Variants in ALKBH1 observed in about 807,000 individuals in gnomAD.
The protein encoded by ALKBH1 is nucleic acid dioxygenase ALKBH1.
ALKBH1 carries 31 observed loss-of-function variants against 36.6 expected under a neutral mutation model. The observed-to-expected ratio is 0.85, with a 90% CI of 0.64 to 1.14. The LOEUF is 1.14. Among genes scored for constraint, ALKBH1 ranks in the 50% most tolerant of loss-of-function variants. The probability of loss-of-function intolerance (pLI) is 0.00; values close to 1 mark genes in which losing one functional copy is unlikely to be tolerated. For missense variants in ALKBH1, 490 were observed against 497.3 expected, an observed-to-expected ratio of 0.99 and a Z score of 0.14; for synonymous variants, 183 against 186.6, an observed-to-expected ratio of 0.98 and a Z score of 0.16.
intron 3 of ALKBH1, 35 bp from the exon 4 acceptor site, chr14:77,680,005 T>C (rs1036474051): frequency 4.5e-6 from 7 of 1,557,334 alleles, no homozygotes; most frequent in African/African-American, 2.7e-5. Flanking sequence ...GAATTATTCA[T>C]GTAAAATGGC....
intron 3 of ALKBH1, chr14:77,683,918 A>T (rs2080253292): frequency 6.5e-6 from 1 of 153,240 alleles, no homozygotes; most frequent in Non-Finnish European, 1.5e-5. Context: ...GGCCAAAGGA[A>T]AAACTCCGTT....
intron 3 of ALKBH1, chr14:77,683,311 C>A: frequency 1.3e-6 from 1 of 744,976 alleles, no homozygotes; most frequent in Non-Finnish European, 2.5e-6. Context: ...CAGTTGAACT[C>A]AGGTACCTTT....
chr14:77,700,440 A>G (rs2080353188), intron 2 of ALKBH1, among the ~76,000 whole-genome samples: 1 of 152,224 alleles, frequency 6.6e-6, no homozygotes, highest in African/African-American at 2.4e-5. Flanking sequence ...TTTTGGCATC[A>G]AGGAAACCTC....
At chr14:77,698,266 G>A (rs1381287219) in intron 2 of ALKBH1, among the ~76,000 whole-genome samples, 2 of 152,134 alleles carry the variant, frequency 1.3e-5, no homozygotes, top group East Asian at 1.9e-4. Context: ...GAAAGAAATA[G>A]AGCAAGGTCT....
intron 2 of ALKBH1, among the ~76,000 whole-genome samples, chr14:77,702,484 CAT>C (rs1267756471): frequency 6.6e-6 from 1 of 151,916 alleles, no homozygotes; most frequent in Non-Finnish European, 1.5e-5. Context: ...AGAGCTGTAC[CAT>C]AGAGTCCTGG....
At position 77,673,975 on chromosome 14, in the gene ALKBH1, G is replaced by T; in HGVS notation, c.1007C>A (p.Thr336Asn). The T allele has an allele frequency of 6.2e-7, 1 of 1,614,176 alleles. No homozygotes were observed. Among genetic ancestry groups the T allele is most frequent in the Non-Finnish European group, 8.5e-7 (1 of 1,180,040 alleles). Residue 336 changes from threonine to asparagine, a missense_variant, in exon 6 of 6, where the codon ACC becomes AAC. Transcript: ENST00000216489. ...DWQVCASYLK[T>N]ARVNMTVRQV... ...TCGGACAGTCATGTTAACACGAGCG[G>T]TCTTCAAGTAGCTGGCACACACCTG...
At chr14:77,686,100 G>C (rs17825373) in intron 3 of ALKBH1, among the ~76,000 whole-genome samples, 182 of 152,254 alleles carry the variant, frequency 1.2e-3, no homozygotes, top group Non-Finnish European at 2.0e-3. Flanking sequence ...AGCAGGACTG[G>C]CCAGCACCAA....
At chr14:77,679,758 G>C (rs909471237) in intron 4 of ALKBH1, 122 bp downstream of exon 4, 5 of 757,960 alleles carry the variant, frequency 6.6e-6, no homozygotes, top group Middle Eastern at 2.8e-4. Flanking sequence ...GGAAATAAAA[G>C]AAAGGGATCC....
intron 3 of ALKBH1, among the ~76,000 whole-genome samples, chr14:77,688,317 C>T (rs1403890298): frequency 4.0e-5 from 6 of 150,198 alleles, no homozygotes; most frequent in African/African-American, 1.5e-4. Context: ...AGTGCAGTGG[C>T]GTGATCTCAG....
intron 3 of ALKBH1, among the ~76,000 whole-genome samples, chr14:77,684,424 C>A (rs775309154): frequency 4.0e-5 from 6 of 151,802 alleles, no homozygotes; most frequent in Non-Finnish European, 5.9e-5. Context: ...TGCAATGGTG[C>A]GATCTTGGCT....
intron 3 of ALKBH1, among the ~76,000 whole-genome samples, chr14:77,680,472 T>C (rs1595048742): frequency 6.6e-6 from 1 of 152,240 alleles, no homozygotes; most frequent in East Asian, 1.9e-4. Context: ...TATAGTACAA[T>C]AAAAAATAAC....
intron 1 of ALKBH1, 81 bp from the exon 2 acceptor site, chr14:77,704,558 T>C (rs547445882): frequency 9.9e-6 from 10 of 1,010,988 alleles, no homozygotes; most frequent in Admixed American, 3.5e-5. Flanking sequence ...CCAAACACAT[T>C]TCTTGTATGA....
chr14:77,695,768 T>C (rs918564673), intron 2 of ALKBH1, among the ~76,000 whole-genome samples: 2 of 152,220 alleles, frequency 1.3e-5, no homozygotes, highest in African/African-American at 4.8e-5. Context: ...TTTGTGACCT[T>C]GACAGCAACC....
At chr14:77,698,196 A>G (rs568374279) in intron 2 of ALKBH1, among the ~76,000 whole-genome samples, 1 of 152,322 alleles carries the variant, frequency 6.6e-6, no homozygotes, top group South Asian at 2.1e-4. Flanking sequence ...AGACCTAAGT[A>G]TGCTTACAGA....
chr14:77,689,931 C>T (rs1048604520), intron 3 of ALKBH1, among the ~76,000 whole-genome samples: 2 of 151,818 alleles, frequency 1.3e-5, no homozygotes, highest in African/African-American at 4.8e-5. Flanking sequence ...TGAGGTGGGG[C>T]AACTGCTTCA....
Position 77,679,888 on chromosome 14 carries a change from C to G in ALKBH1, c.538G>C (p.Asp180His). ...TAAGAAAACCTGAATACCTTACTGT[C>G]CCAGTTATAATGGTAGCCTACGGTC... ...WVTVGYHYNW[D>H]SKKYSADHYT... Residue 180 changes from aspartate (D) to histidine (H), a missense_variant, in exon 4 of 6, where the codon GAC becomes CAC. Physicochemically the swap from Asp to His is moderately conservative, Grantham distance 81. Coordinates refer to ENST00000216489, the MANE Select transcript of ALKBH1 (RefSeq NM_006020.3). 1.2e-6 allele frequency: 2 copies of G among 1,613,840 alleles called. No homozygotes were observed. Among genetic ancestry groups the G allele is most frequent in the Non-Finnish European group, 1.7e-6 (2 of 1,179,724 alleles).
rs1335780523 is a variant in ALKBH1, at chr14:77,675,692, G to C, written c.704C>G (p.Ser235Cys). The C allele has an allele frequency of 2.5e-6, 4 of 1,614,146 alleles. No individual in the cohort carries two copies. Among genetic ancestry groups the C allele is most frequent in the African/African-American group, 1.3e-5 (1 of 75,034 alleles). Residue 235 changes from serine (S) to cysteine (C), a missense_variant, in exon 5 of 6, where the codon TCT becomes TGT. Transcript: ENST00000216489. Reference protein sequence around the residue: ...DSTLGIHVDRSELDHSKPLLS... With the variant: ...DSTLGIHVDRCELDHSKPLLS... ...CAAGGGTTTGGAGTGATCTAGCTCA[G>C]ATCTGTCTACGTGGATTCCCAGTGT...
chr14:77,702,826 C>A (rs1241239398), intron 2 of ALKBH1, among the ~76,000 whole-genome samples: 1 of 152,044 alleles, frequency 6.6e-6, no homozygotes, highest in African/African-American at 2.4e-5. Context: ...GTAGCTGAGA[C>A]TACAGAGGCA....
At chr14:77,674,412 G>A (rs572403542) in intron 5 of ALKBH1, among the ~76,000 whole-genome samples, 171 bp from the exon 6 acceptor site, 2 of 152,212 alleles carry the variant, frequency 1.3e-5, no homozygotes, top group Admixed American at 1.3e-4. Context: ...TCTGGTTTGT[G>A]TCTATGAGTG....
Sources: allele counts gnomAD v4.1 joint callset (sites outside exome capture counted in the v4.1 genomes callset), GRCh38; gene constraint gnomAD v4.1.1; transcripts MANE v1.5; gene names NCBI Gene and HGNC (gene_info 2026-07-23, HGNC 2026-07-21).